Variants in POLH observed in about 807,000 individuals in gnomAD.
POLH encodes DNA polymerase eta transcript.
A neutral mutation model predicts 73.6 loss-of-function variants in POLH; 53 were observed. The ratio of observed to expected loss-of-function variants is 0.72; its 90% CI spans 0.58 to 0.91. The LOEUF (loss-of-function observed/expected upper bound fraction) is 0.91, where lower values mean the gene tolerates loss of function less well. Ranked by LOEUF, POLH falls within the 40% of genes least tolerant of loss-of-function variation. POLH has a pLI of 0.00. For missense variants in POLH, 768 were observed against 865.4 expected (o/e 0.89, Z 1.41); for synonymous variants, 292 against 308.5 (o/e 0.95, Z 0.56).
intron 9 of POLH, among the ~76,000 whole-genome samples, chr6:43,605,582 G>A (rs933550440): frequency 6.6e-6 from 1 of 151,058 alleles, no homozygotes; most frequent in East Asian, 1.9e-4. Context: ...CTGAGTAGCT[G>A]GGACTACAGG....
chr6:43,587,234 T>C, intron 3 of POLH, 38 bp from the exon 4 acceptor site: 1 of 1,505,774 alleles, frequency 6.6e-7, no homozygotes, highest in Admixed American at 1.7e-5. Context: ...AGGTTGCCTC[T>C]GTTTATTGCC....
At position 43,618,000 on chromosome 6, in the gene POLH, C is replaced by G. The variant is rs1345019933; in HGVS notation, c.*3443C>G. ...TACTAATGACCAGGTGTGTAGAGGA[C>G]ATTTTCTTAAGCCCTTAAGTACAAA... On this transcript the variant is annotated 3_prime_UTR_variant, in exon 11 of 11. Coordinates refer to ENST00000372236, the MANE Select transcript of POLH (RefSeq NM_006502.3). Among the ~76,000 whole-genome samples the G allele has an allele frequency of 6.6e-6, 1 of 152,098 alleles. No individual in the cohort carries two copies. The highest frequency in any genetic ancestry group is 1.5e-5 in the Non-Finnish European group (1 of 68,024).
chr6:43,609,188 G>A (rs1424047764), intron 9 of POLH, among the ~76,000 whole-genome samples: 2 of 151,990 alleles, frequency 1.3e-5, no homozygotes, highest in Non-Finnish European at 2.9e-5. Context: ...ACTCATCTCT[G>A]TGGTCATTTC....
chr6:43,589,270 C>T (rs1251783336), intron 4 of POLH, among the ~76,000 whole-genome samples: 1 of 152,178 alleles, frequency 6.6e-6, no homozygotes, highest in Non-Finnish European at 1.5e-5. Flanking sequence ...ACCATGGTTA[C>T]AGACCATTTT....
At chr6:43,599,583 G>A (rs972991454) in intron 5 of POLH, among the ~76,000 whole-genome samples, 1 of 150,820 alleles carries the variant, frequency 6.6e-6, no homozygotes, top group Non-Finnish European at 1.5e-5. Context: ...TACCTTCTCC[G>A]CCTCCCTTCA....
At chr6:43,592,857 C>T (rs1328921152) in intron 4 of POLH, among the ~76,000 whole-genome samples, 1 of 152,052 alleles carries the variant, frequency 6.6e-6, no homozygotes, top group East Asian at 1.9e-4. Flanking sequence ...TTTTCTTTTC[C>T]CTTTGTTTTT....
chr6:43,590,208 A>C (rs1055258143), intron 4 of POLH, among the ~76,000 whole-genome samples: 4 of 152,002 alleles, frequency 2.6e-5, no homozygotes, highest in African/African-American at 2.4e-5. Context: ...AATACAAAAA[A>C]ACTAGCTGGG....
chr6:43,605,443 C>CTTTCTTTTTTT (rs1432121621), intron 9 of POLH, 124 bp downstream of exon 9: 1 of 215,666 alleles, frequency 4.6e-6, no homozygotes, highest in African/African-American at 3.8e-5. Flanking sequence ...CGTTTTCTTT[C>CTTTCTTTTTTT]TTTTTTTTTT....
Position 43,616,121 on chromosome 6 carries a change from CA to C in POLH, c.*1573del, listed in dbSNP as rs931725188. Among the ~76,000 whole-genome samples the C allele has an allele frequency of 2.7e-5, 4 of 149,384 alleles. No individual in the cohort carries two copies. Among genetic ancestry groups the C allele is most frequent in the Non-Finnish European group, 6.0e-5 (4 of 67,178 alleles). Reference sequence around the variant, plus strand: ...GAAACCCCGTCTCTACTAAAAAATACAAAAAAAAATTAGCCGGGTGCGGTGG... The same window carrying C: ...GAAACCCCGTCTCTACTAAAAAATACAAAAAAAATTAGCCGGGTGCGGTGG... On this transcript the variant is annotated 3_prime_UTR_variant, in exon 11 of 11. Transcript: ENST00000372236.
chr6:43,596,357 C>T (rs1464658338), intron 4 of POLH, among the ~76,000 whole-genome samples: 3 of 151,826 alleles, frequency 2.0e-5, no homozygotes. Context: ...GTGGCAGGCG[C>T]CTGTAGTCCC....
intron 4 of POLH, among the ~76,000 whole-genome samples, chr6:43,590,538 T>C (rs1045993666): frequency 1.3e-5 from 2 of 151,432 alleles, no homozygotes; most frequent in Non-Finnish European, 2.9e-5. Flanking sequence ...CTCGGCTCAT[T>C]GTAACCTCTG....
chr6:43,594,346 A>C lies in POLH; in HGVS notation c.491-3350A>C, dbSNP rs555136086. Among the ~76,000 whole-genome samples the C allele has an allele frequency of 1.7e-4, 26 of 152,326 alleles. No individual in the cohort carries two copies. In the South Asian group the frequency reaches 5.0e-3, roughly 29 times the overall value. On this transcript the variant is annotated intron_variant, in intron 4 of 10. Coordinates refer to ENST00000372236, the MANE Select transcript of POLH (RefSeq NM_006502.3). The stretch of plus-strand genomic sequence containing the variant: ...GTATTTATTGTTCTTAATATGTGCA[A>C]GCCTTGGTATTTCAGGAAAACAGAT...
intron 5 of POLH, among the ~76,000 whole-genome samples, chr6:43,600,310 T>C (rs1217425640): frequency 6.6e-6 from 1 of 151,458 alleles, no homozygotes; most frequent in Non-Finnish European, 1.5e-5. Context: ...CCCAGCTACT[T>C]GGAAGGCTGA....
intron 6 of POLH, among the ~76,000 whole-genome samples, chr6:43,602,821 C>G (rs965140542): frequency 2.0e-5 from 3 of 151,752 alleles, no homozygotes; most frequent in African/African-American, 7.3e-5. Context: ...CTGCATGCCA[C>G]TACGCCCGAC....
chr6:43,580,463 T>G (rs1362767784), intron 1 of POLH, among the ~76,000 whole-genome samples: 5 of 148,686 alleles, frequency 3.4e-5, no homozygotes, highest in Non-Finnish European at 7.5e-5. Context: ...GCAGAGGGGC[T>G]CCTCACTTCC....
rs777373980 is a variant in POLH, at chr6:43,617,802, T to C, written c.*3245T>C. ...TGGGCGTGGTGGTGCACGCCTGTAG[T>C]CCCAGCTACTTGGGAGGCTGAGGCA... On this transcript the variant is annotated 3_prime_UTR_variant, in exon 11 of 11. Transcript: ENST00000372236. 1.1e-4 allele frequency among the ~76,000 whole-genome samples: 16 copies of C among 151,968 alleles called. No homozygotes were observed. The highest frequency in any genetic ancestry group is 2.4e-4 in the Non-Finnish European group (16 of 68,006).
chr6:43,590,595 C>A (rs1029064470), intron 4 of POLH, among the ~76,000 whole-genome samples: 28 of 150,822 alleles, frequency 1.9e-4, no homozygotes, highest in Middle Eastern at 3.4e-3. Flanking sequence ...AAGTGGAATT[C>A]AGTTGTATCC....
chr6:43,588,503 G>A (rs1765095084), intron 4 of POLH: 1 of 151,478 alleles, frequency 6.6e-6, no homozygotes, highest in African/African-American at 2.4e-5. Context: ...CCTGGCTGGA[G>A]TGCAGTGGCA....
intron 3 of POLH, among the ~76,000 whole-genome samples, chr6:43,585,267 A>C (rs1354781342): frequency 6.6e-6 from 1 of 152,176 alleles, no homozygotes; most frequent in Non-Finnish European, 1.5e-5. Context: ...TATTACAGCT[A>C]TTTGGAACCT....
Sources: gnomAD v4.1 joint callset for allele counts (sites outside exome capture counted in the v4.1 genomes callset) on GRCh38, gnomAD v4.1.1 for gene constraint, MANE v1.5 for transcripts, NCBI Gene and HGNC (gene_info 2026-07-23, HGNC 2026-07-21) for gene names.